The following GK variants were observed in gnomAD, a reference collection of about 807,000 sequenced individuals.
GK encodes the protein ATP:glycerol 3-phosphotransferase.
Under a neutral mutation model 56.4 loss-of-function variants are expected in GK, and 9 were observed. The observed-to-expected ratio is 0.16, with a 90% CI of 0.10 to 0.28. The LOEUF (loss-of-function observed/expected upper bound fraction) is 0.28, where lower values mean the gene tolerates loss of function less well. Ranked by LOEUF, GK falls within the 10% of genes least tolerant of loss-of-function variation. The pLI is 1.00. For missense variants in GK, 161 were observed against 431.4 expected, an observed-to-expected ratio of 0.37 and a Z score of 5.55; for synonymous variants, 104 against 144.1, an observed-to-expected ratio of 0.72 and a Z score of 1.99.
intron 15 of GK, among the ~76,000 whole-genome samples, chrX:30,719,761 A>G (rs182262242): frequency 8.9e-6 from 1 of 112,187 alleles, no homozygotes. Context: ...TGTATAGTGA[A>G]GGGACATCAT....
At chrX:30,708,205 A>G (rs1936122768) in intron 13 of GK, 71 bp downstream of exon 13, 1 of 598,040 alleles carries the variant, frequency 1.7e-6, no homozygotes. Context: ...AGTGTTTTCT[A>G]ACACTTTTCT....
intron 13 of GK, among the ~76,000 whole-genome samples, chrX:30,712,457 T>A (rs965983220): frequency 1.8e-5 from 2 of 111,053 alleles, no homozygotes; most frequent in African/African-American, 3.3e-5. Flanking sequence ...TAGTCTAGAG[T>A]TTACCCCATC....
chrX:30,708,400 G>GT (rs774814461), intron 13 of GK, among the ~76,000 whole-genome samples: 241 of 99,700 alleles, frequency 2.4e-3, no homozygotes, highest in South Asian at 0.013. Context: ...ACAATGTAAG[G>GT]TTTTTTTTTT....
intron 1 of GK, among the ~76,000 whole-genome samples, chrX:30,659,785 G>A: frequency 8.9e-6 from 1 of 112,418 alleles, no homozygotes; most frequent in Middle Eastern, 4.6e-3. Flanking sequence ...GTCTTGCTCT[G>A]TTGCCCAGGT....
chrX:30,716,341 G>A (rs1936621460), intron 13 of GK, among the ~76,000 whole-genome samples: 1 of 111,565 alleles, frequency 9.0e-6, no homozygotes, highest in Admixed American at 9.5e-5. Flanking sequence ...GAATTATACT[G>A]CCCATGGCAG....
At position 30,689,961 on chromosome X, in the gene GK, G is replaced by A. The variant is rs938102546; in HGVS notation, c.338-1162G>A. 7.2e-5 allele frequency among the ~76,000 whole-genome samples: 8 copies of A among 111,537 alleles called. No homozygotes were observed. In the South Asian group the frequency reaches 3.0e-3, roughly 42 times the overall value. Reference sequence around the variant, plus strand: ...CTGCTTTTCCCACCTACAGAAACCCGTATCTTGTCCTGAAGTCCCCAGTTT... The same window carrying A: ...CTGCTTTTCCCACCTACAGAAACCCATATCTTGTCCTGAAGTCCCCAGTTT... On this transcript the variant is annotated intron_variant, in intron 4 of 20. Transcript: ENST00000427190.
At chrX:30,677,834 A>G (rs1934015128) in intron 4 of GK, among the ~76,000 whole-genome samples, 1 of 109,613 alleles carries the variant, frequency 9.1e-6, no homozygotes, top group Non-Finnish European at 1.9e-5. Flanking sequence ...CAAAAAAAAA[A>G]AAAGAAAGAA....
intron 4 of GK, among the ~76,000 whole-genome samples, chrX:30,690,173 G>A (rs772046271): frequency 7.0e-4 from 79 of 112,259 alleles, no homozygotes; most frequent in African/African-American, 2.5e-3. Context: ...CAAATATGTG[G>A]TAGTGGGCAA....
intron 4 of GK, among the ~76,000 whole-genome samples, chrX:30,681,707 A>G (rs1934284838): frequency 8.9e-6 from 1 of 111,969 alleles, no homozygotes; most frequent in Non-Finnish European, 1.9e-5. Flanking sequence ...AGGAAAAAAG[A>G]TATATAACCT....
chrX:30,678,012 G>T, intron 4 of GK: 1 of 549,800 alleles, frequency 1.8e-6, no homozygotes. Flanking sequence ...ACAAATGAGT[G>T]AATGTTTGCC....
chrX:30,683,042 C>T (rs1011607605), intron 4 of GK, among the ~76,000 whole-genome samples: 1 of 111,044 alleles, frequency 9.0e-6, no homozygotes, highest in Non-Finnish European at 1.9e-5. Context: ...TTTTAACATA[C>T]GAATTTGGAA....
At position 30,675,070 on chromosome X, in the gene GK, G is replaced by A. The variant is rs1184696173; in HGVS notation, c.260-2305G>A. Among the ~76,000 whole-genome samples, 4 of 111,842 alleles carry A rather than the reference G, an allele frequency of 3.6e-5. No individual in the cohort carries two copies. The Admixed American group carries it at 3.8e-4, about 11-fold the overall frequency. On this transcript the variant is annotated intron_variant, in intron 3 of 20. Transcript: ENST00000427190. ...GGATTGTTTAGGCTACACAGCAGAA[G>A]AGAAGACTTGAGGTACAAAAGAGCT...
In GK at chrX:30,680,480, GA is replaced by G. The variant is rs2045432320; in HGVS notation, c.337+3029del. Among the ~76,000 whole-genome samples, 4 of 112,057 alleles carry G rather than the reference GA, an allele frequency of 3.6e-5. No individual in the cohort carries two copies. The South Asian group carries it at 1.5e-3, about 42-fold the overall frequency. ...GCTGAAAGCCATGCAGTGTAGTGTA[GA>G]CTTAAAACACGGGGCAGCTTGAGGC... On this transcript the variant is annotated intron_variant, in intron 4 of 20. Transcript: ENST00000427190.
intron 1 of GK, among the ~76,000 whole-genome samples, chrX:30,656,438 C>CA (rs1034112588): frequency 8.9e-6 from 1 of 111,878 alleles, no homozygotes; most frequent in Non-Finnish European, 1.9e-5. Context: ...TCTCTGTTAG[C>CA]AATATTAGCT....
intron 19 of GK, among the ~76,000 whole-genome samples, chrX:30,724,876 A>T (rs1937067707): frequency 9.0e-6 from 1 of 110,709 alleles, no homozygotes; most frequent in Non-Finnish European, 1.9e-5. Context: ...AATTTATTGA[A>T]GCATATACTT....
chrX:30,696,949 A>G (rs1043503556), intron 8 of GK: 17 of 348,706 alleles, frequency 4.9e-5, no homozygotes, highest in Non-Finnish European at 8.1e-5. Flanking sequence ...GCATGAGCCA[A>G]TTTATTCTTT....
At chrX:30,670,391 A>T (rs1357201471) in intron 3 of GK, among the ~76,000 whole-genome samples, 1 of 111,285 alleles carries the variant, frequency 9.0e-6, no homozygotes, top group Non-Finnish European at 1.9e-5. Flanking sequence ...AAGATGACAC[A>T]CAACTCCTGC....
chrX:30,675,198 A>AT lies in GK; in HGVS notation c.260-2162dup, dbSNP rs769468628. Among the ~76,000 whole-genome samples, 658 of 100,929 alleles carry AT rather than the reference A, an allele frequency of 6.5e-3. 12 individuals carry two copies. Among genetic ancestry groups the AT allele is most frequent in the African/African-American group, 0.018 (498 of 27,917 alleles). The allele number at this position is 100,929 out of a possible 115,157, so 87.6% of individuals were successfully genotyped here. A position where few individuals can be genotyped will look rare whatever the true frequency, so the allele number is the denominator to read the frequency against. ...GGAGGTGGAAGCTACACAAAAAATG[A>AT]TTTTTTTTTTTTTTTGAGACAGAGT... On this transcript the variant is annotated intron_variant, in intron 3 of 20. Transcript: ENST00000427190.
intron 4 of GK, among the ~76,000 whole-genome samples, chrX:30,683,115 C>A (rs1248184819): frequency 1.8e-5 from 2 of 111,605 alleles, no homozygotes; most frequent in African/African-American, 6.5e-5. Flanking sequence ...TTGTCTATTT[C>A]TCTTGTAAAT....
Sources: allele counts gnomAD v4.1 joint callset (sites outside exome capture counted in the v4.1 genomes callset), GRCh38; gene constraint gnomAD v4.1.1; transcripts MANE v1.5; gene names NCBI Gene and HGNC (gene_info 2026-07-23, HGNC 2026-07-21).